RASEF: variants seen among roughly 807,000 people sequenced by gnomAD.
RASEF encodes the protein ras and EF-hand domain-containing protein.
RASEF carries 68 observed loss-of-function variants against 90.1 expected under a neutral mutation model. That is an observed-to-expected ratio of 0.75 (90% CI 0.62 to 0.92). RASEF has a LOEUF of 0.92. RASEF is among the 40% of genes least tolerant of loss of function. RASEF has a pLI of 0.00. For missense variants in RASEF, 949 were observed against 937.2 expected, an observed-to-expected ratio of 1.01 and a Z score of -0.16; for synonymous variants, 331 against 345.2, an observed-to-expected ratio of 0.96 and a Z score of 0.46.
At position 83,048,996 on chromosome 9, in the gene RASEF, T is replaced by A. The variant is rs181762644; in HGVS notation, c.431+13441A>T. Among the ~76,000 whole-genome samples the A allele has an allele frequency of 2.0e-3, 307 of 152,034 alleles. 1 individual carries two copies. The highest frequency in any genetic ancestry group is 3.5e-3 in the Non-Finnish European group (238 of 67,956). On this transcript the variant is annotated intron_variant, in intron 1 of 16. Transcript: ENST00000376447. ...AAAATTAGCCGGGTGTGGTAGTGCATGTCTGTAATCCCAGCTACTCGGGAG... is the reference window on the plus strand; with the variant it reads ...AAAATTAGCCGGGTGTGGTAGTGCAAGTCTGTAATCCCAGCTACTCGGGAG...
chr9:83,165,629 A>G, the RASEF span, among the ~76,000 whole-genome samples: 1 of 152,128 alleles, frequency 6.6e-6, no homozygotes. Context: ...AAAGTAAGGA[A>G]AACACACGAA....
chr9:83,147,024 G>GTGTATATATA, the RASEF span, among the ~76,000 whole-genome samples: 1 of 110,200 alleles, frequency 9.1e-6, no homozygotes, highest in Non-Finnish European at 1.9e-5. Flanking sequence ...GTGTGTGTGT[G>GTGTATATATA]TGTGTATATA....
chr9:83,146,583 G>C, the RASEF span, among the ~76,000 whole-genome samples: 645 of 152,252 alleles, frequency 4.2e-3, 5 homozygotes, highest in African/African-American at 0.015. Flanking sequence ...TGTGAACTTG[G>C]GTGAAAGTTG....
chr9:83,003,222 C>A (rs2118457368), intron 9 of RASEF, among the ~76,000 whole-genome samples: 1 of 152,148 alleles, frequency 6.6e-6, no homozygotes, highest in South Asian at 2.1e-4. Context: ...ATAATCACCC[C>A]CCCACACACA....
At chr9:83,033,595 C>T (rs951561624) in intron 1 of RASEF, among the ~76,000 whole-genome samples, 8 of 152,170 alleles carry the variant, frequency 5.3e-5, no homozygotes, top group Admixed American at 2.6e-4. Flanking sequence ...GGGGATGTCC[C>T]GAAAGGATGG....
the RASEF span, chr9:83,201,354 A>T: frequency 6.6e-6 from 1 of 152,220 alleles, no homozygotes; most frequent in African/African-American, 2.4e-5. Context: ...TATTCCTATC[A>T]TCATGTTTTG....
the RASEF span, among the ~76,000 whole-genome samples, chr9:83,190,160 C>T: frequency 5.3e-5 from 8 of 152,084 alleles, no homozygotes; most frequent in African/African-American, 1.4e-4. Context: ...CTGTAATTAG[C>T]GACACAAATT....
the RASEF span, among the ~76,000 whole-genome samples, chr9:83,076,157 A>G: frequency 6.8e-6 from 1 of 146,844 alleles, no homozygotes; most frequent in Non-Finnish European, 1.5e-5. Flanking sequence ...ACAGAGCGAG[A>G]CTGTCTCAGA....
chr9:83,094,781 A>G, the RASEF span, among the ~76,000 whole-genome samples: 4 of 152,222 alleles, frequency 2.6e-5, no homozygotes, highest in African/African-American at 7.2e-5. Context: ...CAGTTATTAA[A>G]TGGGACAATG....
chr9:82,992,985 T>C lies in RASEF; in HGVS notation c.1961A>G (p.Asn654Ser), dbSNP rs1266466973. 2 of 1,613,922 alleles carry C rather than the reference T, an allele frequency of 1.2e-6. No individual in the cohort carries two copies. Among genetic ancestry groups the C allele is most frequent in the Admixed American group, 1.7e-5 (1 of 59,982 alleles). The stretch of plus-strand genomic sequence containing the variant: ...AGCAGTGTCACGAATGTCAGCCTTG[T>C]TTCCTACCAGCATAATGGGAACAGT... ...HETVPIMLVGNKADIRDTAAT... is the reference protein window; with the variant it reads ...HETVPIMLVGSKADIRDTAAT... Residue 654 changes from asparagine to serine, a missense_variant, in exon 15 of 17, where the codon AAC becomes AGC. Coordinates refer to ENST00000376447, the MANE Select transcript of RASEF (RefSeq NM_152573.4).
chr9:83,096,877 G>A, the RASEF span, among the ~76,000 whole-genome samples: 1 of 151,012 alleles, frequency 6.6e-6, no homozygotes, highest in East Asian at 2.0e-4. Context: ...GTGAGAACAT[G>A]CAGTGTTTGG....
chr9:83,185,753 T>C, the RASEF span, among the ~76,000 whole-genome samples: 1 of 152,010 alleles, frequency 6.6e-6, no homozygotes, highest in African/African-American at 2.4e-5. Context: ...CTCCTGAAGA[T>C]CTGAACTCAA....
At chr9:83,036,805 G>A (rs917196780) in intron 1 of RASEF, among the ~76,000 whole-genome samples, 1 of 152,080 alleles carries the variant, frequency 6.6e-6, no homozygotes, top group African/African-American at 2.4e-5. Flanking sequence ...TGTAACAATT[G>A]TACTACACCA....
the RASEF span, among the ~76,000 whole-genome samples, chr9:83,073,877 T>G: frequency 6.6e-6 from 1 of 152,346 alleles, no homozygotes; most frequent in Admixed American, 6.5e-5. Flanking sequence ...TTAGTACTTT[T>G]TAACTTTATC....
At chr9:83,197,774 G>C in the RASEF span, among the ~76,000 whole-genome samples, 4 of 151,870 alleles carry the variant, frequency 2.6e-5, no homozygotes, top group Non-Finnish European at 4.4e-5. Context: ...TTCCCTTTTT[G>C]CTTCCGTTAG....
chr9:83,156,479 C>T, the RASEF span, among the ~76,000 whole-genome samples: 1 of 152,312 alleles, frequency 6.6e-6, no homozygotes, highest in Non-Finnish European at 1.5e-5. Flanking sequence ...AGATCTTCAA[C>T]CCCTCTTCTT....
intron 3 of RASEF, among the ~76,000 whole-genome samples, chr9:83,017,068 C>T (rs1317268200): frequency 6.6e-6 from 1 of 152,144 alleles, no homozygotes; most frequent in Non-Finnish European, 1.5e-5. Context: ...TGGATGAAGA[C>T]ACAGAGGCCT....
chr9:83,174,153 A>G, the RASEF span, among the ~76,000 whole-genome samples: 1 of 151,914 alleles, frequency 6.6e-6, no homozygotes, highest in Non-Finnish European at 1.5e-5. Context: ...AAATTTTTAA[A>G]TTTGATTAAG....
chr9:83,141,789 A>G, the RASEF span, among the ~76,000 whole-genome samples: 1 of 152,162 alleles, frequency 6.6e-6, no homozygotes, highest in African/African-American at 2.4e-5. Context: ...AGACTTGCCC[A>G]AGGTTGAGGT....
Sources: allele counts gnomAD v4.1 joint callset (sites outside exome capture counted in the v4.1 genomes callset), GRCh38; gene constraint gnomAD v4.1.1; transcripts MANE v1.5; gene names NCBI Gene and HGNC (gene_info 2026-07-23, HGNC 2026-07-21).